XKR4: variants seen among roughly 807,000 people sequenced by gnomAD.
The protein encoded by XKR4 is XK-related protein 4.
XKR4 carries 12 observed loss-of-function variants against 53.9 expected under a neutral mutation model. The ratio of observed to expected loss-of-function variants is 0.22; its 90% CI spans 0.14 to 0.36. The LOEUF (loss-of-function observed/expected upper bound fraction) is 0.36, where lower values mean the gene tolerates loss of function less well. Ranked by LOEUF, XKR4 falls within the 10% of genes least tolerant of loss-of-function variation. XKR4 has a pLI of 1.00. For missense variants in XKR4, 799 were observed against 859.5 expected (o/e 0.93, Z 0.88); for synonymous variants, 354 against 362.4 (o/e 0.98, Z 0.26).
rs117182780 is a variant in XKR4, at chr8:55,175,597, A to G, written c.806+72303A>G. ...AATTATGTCAAATGTTAGTTCCACA[A>G]AGAATTGCATCCATTCAGAGTCTGA... is the stretch of plus-strand genomic sequence containing the variant. On this transcript the variant is annotated intron_variant, in intron 1 of 2. Coordinates refer to ENST00000327381, the MANE Select transcript of XKR4 (RefSeq NM_052898.2). Among the ~76,000 whole-genome samples, 1,153 of 152,340 alleles carry G rather than the reference A, an allele frequency of 7.6e-3. 10 individuals carry two copies. The highest frequency in any genetic ancestry group is 0.015 in the South Asian group (70 of 4,822).
At chr8:55,163,800 G>A (rs894797379) in intron 1 of XKR4, among the ~76,000 whole-genome samples, 6 of 152,098 alleles carry the variant, frequency 3.9e-5, no homozygotes, top group East Asian at 1.9e-4. Flanking sequence ...AGCTGCGATC[G>A]TGCCACTGCA....
intron 1 of XKR4, among the ~76,000 whole-genome samples, chr8:55,191,675 T>A (rs1049655720): frequency 2.0e-5 from 3 of 147,558 alleles, no homozygotes; most frequent in Non-Finnish European, 4.4e-5. Flanking sequence ...TTTTTTCTTT[T>A]AGTACAATTC....
At chr8:55,316,660 G>C (rs1024217819) in intron 1 of XKR4, among the ~76,000 whole-genome samples, 1 of 151,900 alleles carries the variant, frequency 6.6e-6, no homozygotes, top group African/African-American at 2.4e-5. Flanking sequence ...CCTTCCTCTG[G>C]CCTGCCCCAC....
At chr8:55,450,594 C>A in intron 2 of XKR4, 2 of 728,956 alleles carry the variant, frequency 2.7e-6, no homozygotes, top group South Asian at 2.9e-5. Flanking sequence ...TGGCTGAACT[C>A]AAACTCCATG....
intron 1 of XKR4, among the ~76,000 whole-genome samples, chr8:55,341,020 A>G (rs114337103): frequency 3.0e-4 from 45 of 152,288 alleles, no homozygotes; most frequent in African/African-American, 1.1e-3. Flanking sequence ...CATGGAACTC[A>G]TGTAATACCA....
At chr8:55,272,565 T>C (rs1373129222) in intron 1 of XKR4, among the ~76,000 whole-genome samples, 3 of 152,164 alleles carry the variant, frequency 2.0e-5, no homozygotes, top group Non-Finnish European at 4.4e-5. Flanking sequence ...TATTTCTGTT[T>C]ATTGCCTGTC....
chr8:55,380,160 G>A (rs1351759360), intron 2 of XKR4, among the ~76,000 whole-genome samples: 5 of 152,134 alleles, frequency 3.3e-5, no homozygotes, highest in African/African-American at 4.8e-5. Flanking sequence ...AGAAACATTG[G>A]CAACATCTGT....
intron 2 of XKR4, among the ~76,000 whole-genome samples, chr8:55,485,075 T>TA (rs1352148771): frequency 6.6e-6 from 1 of 152,236 alleles, no homozygotes; most frequent in African/African-American, 2.4e-5. Context: ...CCATTCATGA[T>TA]AAAAATTCTC....
rs73598879 is a variant in XKR4 at position 55,200,410 on chromosome 8, A to T, written c.806+97116A>T. ...AGTTCCAATAAAACATGGTGAGGGT[A>T]AAGGTAGCCAGACATGTGATTACAA... On this transcript the variant is annotated intron_variant, in intron 1 of 2. Coordinates refer to ENST00000327381, the MANE Select transcript of XKR4 (RefSeq NM_052898.2). 9.2e-3 allele frequency among the ~76,000 whole-genome samples: 1,394 copies of T among 152,344 alleles called. 23 individuals are homozygous for T. The highest frequency in any genetic ancestry group is 0.031 in the African/African-American group (1,297 of 41,580).
At chr8:55,450,977 G>T (rs1251158002) in intron 2 of XKR4, 6 of 523,742 alleles carry the variant, frequency 1.1e-5, no homozygotes, top group Admixed American at 2.7e-5. Flanking sequence ...CAGCAGTAGG[G>T]CAGCCCAGGA....
intron 2 of XKR4, among the ~76,000 whole-genome samples, chr8:55,438,590 G>GAAAAAA (rs751832656): frequency 1.0e-5 from 1 of 100,386 alleles, no homozygotes; most frequent in African/African-American, 4.2e-5. Flanking sequence ...ACTCCATCTT[G>GAAAAAA]AAAAAAAAAA....
chr8:55,366,616 T>C (rs1803992554), intron 2 of XKR4, among the ~76,000 whole-genome samples: 1 of 152,208 alleles, frequency 6.6e-6, no homozygotes, highest in Non-Finnish European at 1.5e-5. Context: ...CATATTCCAA[T>C]GGTCTGACTC....
intron 1 of XKR4, among the ~76,000 whole-genome samples, chr8:55,104,337 A>C (rs1816107678): frequency 6.6e-6 from 1 of 152,210 alleles, no homozygotes; most frequent in South Asian, 2.1e-4. Context: ...TTGGTTTTAA[A>C]ATAACTTAGT....
intron 1 of XKR4, among the ~76,000 whole-genome samples, chr8:55,282,396 C>T (rs772989342): frequency 6.6e-6 from 1 of 152,132 alleles, no homozygotes; most frequent in Admixed American, 6.6e-5. Context: ...TCATTTGGCT[C>T]ATGAACTGCA....
chr8:55,445,331 A>T (rs2929055), intron 2 of XKR4, among the ~76,000 whole-genome samples: 108,603 of 152,110 alleles, frequency 0.71, 39,209 homozygotes, highest in African/African-American at 0.83. Flanking sequence ...TGCTGGGATT[A>T]CAGGTGTGAG....
At chr8:55,439,704 T>C (rs890962064) in intron 2 of XKR4, among the ~76,000 whole-genome samples, 6 of 152,208 alleles carry the variant, frequency 3.9e-5, no homozygotes, top group Non-Finnish European at 4.4e-5. Context: ...TTATTTTTAA[T>C]GTCAAAATAC....
intron 1 of XKR4, among the ~76,000 whole-genome samples, chr8:55,247,038 C>T (rs1818294549): frequency 6.6e-6 from 1 of 152,212 alleles, no homozygotes; most frequent in Non-Finnish European, 1.5e-5. Context: ...GACAAGTGTA[C>T]TCCCTTAGGA....
chr8:55,114,101 T>A (rs757247854), intron 1 of XKR4, among the ~76,000 whole-genome samples: 32 of 152,172 alleles, frequency 2.1e-4, no homozygotes, highest in Admixed American at 7.9e-4. Context: ...GAAATGGGAT[T>A]GCTGGATCAA....
At chr8:55,206,451 G>T (rs1467219740) in intron 1 of XKR4, among the ~76,000 whole-genome samples, 2 of 152,040 alleles carry the variant, frequency 1.3e-5, no homozygotes, top group Non-Finnish European at 2.9e-5. Flanking sequence ...TCTCATTAGG[G>T]CATATATTAA....
Sources: gnomAD v4.1 joint callset for allele counts (sites outside exome capture counted in the v4.1 genomes callset) on GRCh38, gnomAD v4.1.1 for gene constraint, MANE v1.5 for transcripts, NCBI Gene and HGNC (gene_info 2026-07-23, HGNC 2026-07-21) for gene names.